The following FAM135A variants were observed in gnomAD, a reference collection of about 807,000 sequenced individuals.
FAM135A encodes the protein protein FAM135A.
Under a neutral mutation model 146.8 loss-of-function variants are expected in FAM135A, and 79 were observed. The ratio of observed to expected loss-of-function variants is 0.54; its 90% CI spans 0.45 to 0.65. The LOEUF (loss-of-function observed/expected upper bound fraction) is 0.65. Among genes scored for constraint, FAM135A ranks in the 30% least tolerant of loss-of-function variants. FAM135A has a pLI of 0.00. For missense variants in FAM135A, 1,623 were observed against 1,758.2 expected (o/e 0.92, Z 1.38); for synonymous variants, 562 against 603.6 (o/e 0.93, Z 1.01).
At chr6:70,495,097 C>A (rs1157219849) in intron 11 of FAM135A, among the ~76,000 whole-genome samples, 1 of 152,240 alleles carries the variant, frequency 6.6e-6, no homozygotes, top group East Asian at 1.9e-4. Flanking sequence ...ATTTATAAAA[C>A]CATCTCTTGG....
At chr6:70,498,918 G>A (rs967461308) in intron 11 of FAM135A, among the ~76,000 whole-genome samples, 1 of 152,086 alleles carries the variant, frequency 6.6e-6, no homozygotes, top group Non-Finnish European at 1.5e-5. Context: ...TTTAGAATAA[G>A]TGCTATGTGG....
At chr6:70,461,639 C>T (rs1388410860) in intron 5 of FAM135A, among the ~76,000 whole-genome samples, 3 of 151,972 alleles carry the variant, frequency 2.0e-5, no homozygotes, top group African/African-American at 7.3e-5. Flanking sequence ...TGACCAAGAG[C>T]AAGAAGGAAG....
chr6:70,415,987 G>A (rs946485492), intron 2 of FAM135A, among the ~76,000 whole-genome samples: 6 of 152,138 alleles, frequency 3.9e-5, no homozygotes, highest in African/African-American at 1.4e-4. Flanking sequence ...TTTAGACTGT[G>A]TAGTAAGAGT....
chr6:70,439,625 T>C (rs1256108663), intron 4 of FAM135A, among the ~76,000 whole-genome samples: 3 of 152,206 alleles, frequency 2.0e-5, no homozygotes, highest in Non-Finnish European at 2.9e-5. Flanking sequence ...TTTGTGATTA[T>C]GTTCATAATT....
rs113608941 is a variant in FAM135A at position 70,521,293 on chromosome 6, C to T, written c.1030-1220C>T. On this transcript the variant is annotated intron_variant, in intron 12 of 21. Coordinates refer to ENST00000418814, the MANE Select transcript of FAM135A (RefSeq NM_001162529.3). ...AGTTTCGTAGGTCCAGCTGCAACTG[C>T]AGGAATCCAGATAACTTAAAGATGC... is the stretch of plus-strand genomic sequence containing the variant. 5.2e-3 allele frequency among the ~76,000 whole-genome samples: 785 copies of T among 152,100 alleles called. 5 individuals are homozygous for T. The highest frequency in any genetic ancestry group is 0.018 in the African/African-American group (735 of 41,510).
chr6:70,462,836 A>G (rs2128104090), intron 5 of FAM135A, among the ~76,000 whole-genome samples: 1 of 152,348 alleles, frequency 6.6e-6, no homozygotes, highest in South Asian at 2.1e-4. Context: ...TATAAAAGTA[A>G]GGAAAGATTG....
intron 12 of FAM135A, among the ~76,000 whole-genome samples, chr6:70,518,911 ACGATCTATT>A (rs1328149921): frequency 1.3e-5 from 2 of 152,206 alleles, no homozygotes; most frequent in African/African-American, 4.8e-5. Flanking sequence ...GACTAACACA[ACGATCTATT>A]CTTCAGCCCA....
At chr6:70,474,049 T>TACTCTTGGCTGCCCTCCTCACTCC (rs1782134029) in intron 5 of FAM135A, among the ~76,000 whole-genome samples, 1 of 151,898 alleles carries the variant, frequency 6.6e-6, no homozygotes, top group Admixed American at 6.6e-5. Context: ...TCTGACACTT[T>TACTCTTGGCTGCCCTCCTCACTCC]ACTCTTGGCT....
chr6:70,522,134 C>T (rs1793734064), intron 12 of FAM135A, among the ~76,000 whole-genome samples: 1 of 152,154 alleles, frequency 6.6e-6, no homozygotes, highest in South Asian at 2.1e-4. Flanking sequence ...CCAGGCTGGT[C>T]TCGAACTCTT....
chr6:70,446,401 C>A (rs1775763018), intron 4 of FAM135A, among the ~76,000 whole-genome samples: 1 of 152,192 alleles, frequency 6.6e-6, no homozygotes, highest in African/African-American at 2.4e-5. Flanking sequence ...CATAGTGTGA[C>A]CGTGGCATGC....
At chr6:70,435,864 A>T (rs571194653) in intron 4 of FAM135A, among the ~76,000 whole-genome samples, 1 of 152,270 alleles carries the variant, frequency 6.6e-6, no homozygotes, top group Non-Finnish European at 1.5e-5. Flanking sequence ...CTTGTCTATA[A>T]TGTCATGTAT....
intron 20 of FAM135A, among the ~76,000 whole-genome samples, chr6:70,544,564 A>G (rs1317075716): frequency 6.6e-6 from 1 of 151,618 alleles, no homozygotes; most frequent in Non-Finnish European, 1.5e-5. Context: ...ACATGGTGAA[A>G]CCTCATCTCT....
At chr6:70,481,901 G>A (rs1783772588) in intron 9 of FAM135A, 100 bp from the exon 10 acceptor site, 1 of 1,147,712 alleles carries the variant, frequency 8.7e-7, no homozygotes. Flanking sequence ...AATAAATTTA[G>A]TTGACAGATG....
At chr6:70,440,531 A>G (rs1774220794) in intron 4 of FAM135A, among the ~76,000 whole-genome samples, 2 of 152,162 alleles carry the variant, frequency 1.3e-5, no homozygotes. Flanking sequence ...TACTAAAAAT[A>G]CAAAAAATTA....
At chr6:70,497,081 A>G (rs12525777) in intron 11 of FAM135A, among the ~76,000 whole-genome samples, 23,047 of 152,116 alleles carry the variant, frequency 0.15, 1,922 homozygotes, top group Middle Eastern at 0.2. Context: ...CATTGAATCT[A>G]TAAATTACTT....
chr6:70,430,675 G>A (rs562410576), intron 4 of FAM135A, among the ~76,000 whole-genome samples: 19 of 152,324 alleles, frequency 1.2e-4, no homozygotes, highest in Non-Finnish European at 1.5e-4. Context: ...TGCTGAGAAC[G>A]TCTGCTTACA....
At chr6:70,493,481 G>A (rs1327453432) in intron 11 of FAM135A, among the ~76,000 whole-genome samples, 9 of 151,996 alleles carry the variant, frequency 5.9e-5, no homozygotes, top group Non-Finnish European at 1.2e-4. Context: ...TATGTAAATG[G>A]TTGTCATAAA....
chr6:70,450,984 C>A (rs563581403), intron 4 of FAM135A, among the ~76,000 whole-genome samples: 4 of 151,938 alleles, frequency 2.6e-5, no homozygotes, highest in African/African-American at 9.6e-5. Flanking sequence ...CTCAAGTGAT[C>A]CTCCTGCCTT....
At chr6:70,555,007 T>C (rs183261832) in intron 20 of FAM135A, among the ~76,000 whole-genome samples, 8 of 152,362 alleles carry the variant, frequency 5.3e-5, no homozygotes, top group Middle Eastern at 3.4e-3. Flanking sequence ...ATAGGAAATG[T>C]GTGCCATAAA....
Sources: allele counts gnomAD v4.1 joint callset (sites outside exome capture counted in the v4.1 genomes callset), GRCh38; gene constraint gnomAD v4.1.1; transcripts MANE v1.5; gene names NCBI Gene and HGNC (gene_info 2026-07-23, HGNC 2026-07-21).